The following DLG2 variants were observed in gnomAD, a reference collection of about 807,000 sequenced individuals.
DLG2 encodes the protein discs large MAGUK scaffold protein 2, also known as disks large homolog 2.
In DLG2, 45 loss-of-function variants were observed where a neutral mutation model predicts 132.5. That is an observed-to-expected ratio of 0.34 (90% CI 0.27 to 0.44). The LOEUF (loss-of-function observed/expected upper bound fraction) is 0.44, where lower values mean the gene tolerates loss of function less well. Among genes scored for constraint, DLG2 ranks in the 20% least tolerant of loss-of-function variants. DLG2 has a pLI of 1.00. For missense variants in DLG2, 1,045 were observed against 1,196.9 expected (o/e 0.87, Z 1.87); for synonymous variants, 424 against 419.6 (o/e 1.01, Z -0.13).
At chr11:84,133,601 G>A (rs2094496995) in intron 9 of DLG2, among the ~76,000 whole-genome samples, 1 of 148,674 alleles carries the variant, frequency 6.7e-6, no homozygotes, top group Non-Finnish European at 1.5e-5. Context: ...TTTTGTTTTG[G>A]ATCTCTTGAG....
intron 6 of DLG2, among the ~76,000 whole-genome samples, chr11:85,029,928 C>A (rs1335582894): frequency 6.6e-6 from 1 of 152,140 alleles, no homozygotes; most frequent in Admixed American, 6.5e-5. Context: ...CCATGTTAAC[C>A]AGGCTGGTCT....
At chr11:83,754,636 TTGA>T (rs1255533207) in intron 18 of DLG2, among the ~76,000 whole-genome samples, 2 of 151,372 alleles carry the variant, frequency 1.3e-5, no homozygotes, top group Admixed American at 6.6e-5. Flanking sequence ...GGCCTGTGAC[TTGA>T]TGATTAGAGA....
At chr11:85,044,134 T>C (rs2062103123) in intron 6 of DLG2, among the ~76,000 whole-genome samples, 1 of 152,002 alleles carries the variant, frequency 6.6e-6, no homozygotes, top group South Asian at 2.1e-4. Flanking sequence ...GTAACTTCTT[T>C]ATTTTATTTC....
At chr11:84,821,785 A>G (rs2077730837) in intron 6 of DLG2, among the ~76,000 whole-genome samples, 1 of 151,852 alleles carries the variant, frequency 6.6e-6, no homozygotes, top group Non-Finnish European at 1.5e-5. Context: ...TAGAAACATA[A>G]AAGAAAAAGC....
chr11:83,871,785 C>A (rs942488179), intron 16 of DLG2, among the ~76,000 whole-genome samples: 2 of 152,018 alleles, frequency 1.3e-5, no homozygotes, highest in African/African-American at 4.8e-5. Context: ...CATTTTATAT[C>A]CAGAAGTGTT....
intron 7 of DLG2, among the ~76,000 whole-genome samples, chr11:84,390,488 T>C (rs1036516359): frequency 3.9e-5 from 6 of 152,134 alleles, no homozygotes; most frequent in Admixed American, 6.6e-5. Context: ...CTGTAAACTG[T>C]TGGCAACCTT....
At chr11:83,530,683 G>A (rs1364823324) in intron 21 of DLG2, among the ~76,000 whole-genome samples, 1 of 151,894 alleles carries the variant, frequency 6.6e-6, no homozygotes, top group Non-Finnish European at 1.5e-5. Context: ...TTAATGTCAG[G>A]AACAAGACAA....
At chr11:83,504,160 C>T (rs60824635) in intron 21 of DLG2, among the ~76,000 whole-genome samples, 43,649 of 152,120 alleles carry the variant, frequency 0.29, 6,561 homozygotes, top group East Asian at 0.36. Context: ...ATGACAATTA[C>T]ACTCCTAGTT....
chr11:84,669,387 A>G (rs1032921816), intron 6 of DLG2, among the ~76,000 whole-genome samples: 4 of 152,190 alleles, frequency 2.6e-5, no homozygotes, highest in Non-Finnish European at 4.4e-5. Context: ...GGACAATGGC[A>G]AGCATTGGCT....
chr11:84,321,121 G>A (rs778686349), intron 7 of DLG2, among the ~76,000 whole-genome samples: 6 of 152,146 alleles, frequency 3.9e-5, no homozygotes, highest in Non-Finnish European at 7.3e-5. Context: ...TGTCACTTCT[G>A]TAAGCTTTTC....
chr11:85,406,341 A>G (rs1041429944), intron 3 of DLG2, among the ~76,000 whole-genome samples: 24 of 152,078 alleles, frequency 1.6e-4, no homozygotes, highest in East Asian at 1.4e-3. Flanking sequence ...AAAGAGAGTC[A>G]AGCTTCATGA....
chr11:84,930,683 G>A (rs1222716960), intron 6 of DLG2, among the ~76,000 whole-genome samples: 1 of 152,094 alleles, frequency 6.6e-6, no homozygotes, highest in Non-Finnish European at 1.5e-5. Flanking sequence ...ATCAGTGACT[G>A]CCCTTCCTTC....
chr11:84,652,809 A>C (rs929575762), intron 6 of DLG2, among the ~76,000 whole-genome samples: 1 of 152,178 alleles, frequency 6.6e-6, no homozygotes, highest in Non-Finnish European at 1.5e-5. Flanking sequence ...TGACTTACCC[A>C]ATGCACAGAG....
intron 7 of DLG2, among the ~76,000 whole-genome samples, chr11:84,434,640 T>C (rs2098995031): frequency 6.6e-6 from 1 of 152,128 alleles, no homozygotes; most frequent in Non-Finnish European, 1.5e-5. Flanking sequence ...ATTACTATCA[T>C]TAATATTATT....
chr11:84,201,887 C>T (rs1486465854), intron 8 of DLG2, among the ~76,000 whole-genome samples: 5 of 121,898 alleles, frequency 4.1e-5, no homozygotes, highest in Admixed American at 1.1e-4. Flanking sequence ...GGTGGGGTTT[C>T]GGCTCACTGC....
At chr11:84,210,186 G>A (rs1010930325) in intron 8 of DLG2, among the ~76,000 whole-genome samples, 1 of 152,020 alleles carries the variant, frequency 6.6e-6, no homozygotes, top group African/African-American at 2.4e-5. Flanking sequence ...AGGAGGCTGA[G>A]GCAGGAGAAT....
intron 6 of DLG2, among the ~76,000 whole-genome samples, chr11:85,035,933 C>T (rs960074227): frequency 3.3e-5 from 5 of 152,112 alleles, no homozygotes; most frequent in Admixed American, 3.3e-4. Flanking sequence ...TTAAAGCAGG[C>T]TTCTCACTCT....
intron 4 of DLG2, among the ~76,000 whole-genome samples, chr11:85,209,081 T>C (rs1412646488): frequency 6.6e-6 from 1 of 152,084 alleles, no homozygotes; most frequent in African/African-American, 2.4e-5. Context: ...AGGATTCTAG[T>C]CCTAAATCTG....
intron 6 of DLG2, among the ~76,000 whole-genome samples, chr11:84,874,584 A>G (rs1324131905): frequency 6.6e-6 from 1 of 152,228 alleles, no homozygotes; most frequent in African/African-American, 2.4e-5. Context: ...TTTATCTCTT[A>G]GAAATCTCAC....
Sources: gnomAD v4.1 joint callset for allele counts (sites outside exome capture counted in the v4.1 genomes callset) on GRCh38, gnomAD v4.1.1 for gene constraint, MANE v1.5 for transcripts, NCBI Gene and HGNC (gene_info 2026-07-23, HGNC 2026-07-21) for gene names.